Variants in OVOL2 observed in about 807,000 individuals in gnomAD.
OVOL2 encodes the protein transcription factor Ovo-like 2.
OVOL2 carries 13 observed loss-of-function variants against 18.1 expected under a neutral mutation model. That is an observed-to-expected ratio of 0.72 (90% CI 0.47 to 1.14). The LOEUF (loss-of-function observed/expected upper bound fraction) is 1.14, where lower values mean the gene tolerates loss of function less well. OVOL2 is among the 50% of genes most tolerant of loss of function. OVOL2 has a pLI of 0.00. For synonymous variants in OVOL2, 166 were observed against 162.7 expected (o/e 1.02, Z -0.16); for missense variants, 335 against 383.0 (o/e 0.87, Z 1.05).
intron 3 of OVOL2, 78 bp downstream of exon 3, chr20:18,041,456 G>T: frequency 1.3e-6 from 2 of 1,509,614 alleles, no homozygotes; most frequent in East Asian, 2.3e-5. Flanking sequence ...GTCTCAACCT[G>T]GTTTTTTGGT....
At chr20:18,035,345 T>C (rs1251650338) in intron 3 of OVOL2, among the ~76,000 whole-genome samples, 2 of 152,118 alleles carry the variant, frequency 1.3e-5, no homozygotes, top group African/African-American at 4.8e-5. Flanking sequence ...CAGCTACAGC[T>C]ACCTGGGAGG....
intron 3 of OVOL2, among the ~76,000 whole-genome samples, chr20:18,032,217 G>A (rs1027474644): frequency 6.0e-5 from 9 of 149,596 alleles, no homozygotes; most frequent in Non-Finnish European, 1.0e-4. Flanking sequence ...AGGAAGGAAA[G>A]AAGAAAGGAA....
rs1331647624 is a variant in OVOL2 at position 18,056,826 on chromosome 20, CCGTCGCTG to C, written c.144_151del (p.Ser49ArgfsTer71). On this transcript the variant is annotated frameshift_variant, in exon 2 of 4. Transcript: ENST00000278780. LOFTEE classifies it high-confidence loss of function. The surrounding 1 kb of genome is among the most constrained non-coding windows in gnomAD (Gnocchi z 4.2). ...GCTGCCGCTGCCGCTGCTGCTGCCG[CCGTCGCTG>C]CGGCAGTCCTCGGGGGGGTCGTGGA... 6.7e-7 allele frequency: 1 copy of C among 1,491,610 alleles called. No individual in the cohort carries two copies. The highest frequency in any genetic ancestry group is 8.9e-7 in the Non-Finnish European group (1 of 1,128,412). The allele number at this position is 1,491,610 out of a possible 1,614,324, so 92.4% of individuals were successfully genotyped here.
At chr20:18,027,946 C>T (rs1169654531) in intron 3 of OVOL2, among the ~76,000 whole-genome samples, 2 of 152,026 alleles carry the variant, frequency 1.3e-5, no homozygotes, top group Non-Finnish European at 2.9e-5. Context: ...GAAGGAGACA[C>T]ACGTCACAAA....
chr20:18,026,663 G>T (rs750755481), intron 3 of OVOL2, among the ~76,000 whole-genome samples: 1 of 152,272 alleles, frequency 6.6e-6, no homozygotes, highest in East Asian at 1.9e-4. Flanking sequence ...TTACAGGCGT[G>T]AGCCACCGCG....
At chr20:18,049,555 C>CCG (rs1555796096) in intron 2 of OVOL2, among the ~76,000 whole-genome samples, 1 of 151,766 alleles carries the variant, frequency 6.6e-6, no homozygotes, top group African/African-American at 2.4e-5. Context: ...TCAGATTCCC[C>CCG]CCCCGATCCT....
chr20:18,041,830 T>C, intron 2 of OVOL2, 107 bp from the exon 3 acceptor site: 4 of 1,000,054 alleles, frequency 4.0e-6, no homozygotes, highest in Non-Finnish European at 5.5e-6. Flanking sequence ...TGTCTGCGGC[T>C]TCTGCCCCTA....
At chr20:18,052,645 T>C (rs2036780704) in intron 2 of OVOL2, among the ~76,000 whole-genome samples, 1 of 152,208 alleles carries the variant, frequency 6.6e-6, no homozygotes, top group Non-Finnish European at 1.5e-5. Context: ...TCTGCACCAC[T>C]ACAAGACTCG....
Position 18,056,400 on chromosome 20 carries a change from T to C in OVOL2, c.321+257A>G, listed in dbSNP as rs906391899. Among the ~76,000 whole-genome samples, 5 of 151,966 alleles carry C rather than the reference T, an allele frequency of 3.3e-5. No individual in the cohort carries two copies. Among genetic ancestry groups the C allele is most frequent in the African/African-American group, 4.8e-5 (2 of 41,318 alleles). On this transcript the variant is annotated intron_variant, in intron 2 of 3. Transcript: ENST00000278780. The surrounding 1 kb of genome is among the most constrained non-coding windows in gnomAD (Gnocchi z 4.2). ...GCAGTTCCAGAGGCAGCACTCGGCA[T>C]CAGGCGGGGCCACCGGGAGGACGGA...
At chr20:18,057,934 C>T, upstream of OVOL2, 1 of 1,221,510 alleles carries the variant, frequency 8.2e-7, no homozygotes, top group Non-Finnish European at 1.0e-6. This position sits in a 1 kb window ranked among gnomAD's most constrained non-coding sequence, Gnocchi z 6.3. Context: ...AGCATGCGCC[C>T]TGCAACATAA....
intron 3 of OVOL2, among the ~76,000 whole-genome samples, chr20:18,028,614 G>A (rs978432671): frequency 4.0e-5 from 6 of 148,860 alleles, no homozygotes; most frequent in Non-Finnish European, 8.9e-5. Flanking sequence ...CCAATACAGT[G>A]AAACCCCGTC....
At chr20:18,040,680 T>C (rs1366267646) in intron 3 of OVOL2, among the ~76,000 whole-genome samples, 2 of 152,132 alleles carry the variant, frequency 1.3e-5, no homozygotes, top group Admixed American at 1.3e-4. Context: ...TGTGAAGAAC[T>C]GGAACTGGGG....
Position 18,024,482 on chromosome 20 carries a change from T to G in OVOL2, c.*154A>C. On this transcript the variant is annotated 3_prime_UTR_variant, in exon 4 of 4. Transcript: ENST00000278780. ...CGTCACTAACGGCAACTGACAATCT[T>G]GGAATGGACCCTACTGCTGATGTTT... The G allele has an allele frequency of 2.1e-6, 3 of 1,410,010 alleles. No homozygotes were observed. Among genetic ancestry groups the G allele is most frequent in the Non-Finnish European group, 2.8e-6 (3 of 1,076,318 alleles). The allele number at this position is 1,410,010 out of a possible 1,614,324, so 87.3% of individuals were successfully genotyped here. A position where few individuals can be genotyped will look rare whatever the true frequency, so the allele number is the denominator to read the frequency against.
At chr20:18,048,978 CT>C (rs2036748132) in intron 2 of OVOL2, among the ~76,000 whole-genome samples, 1 of 152,170 alleles carries the variant, frequency 6.6e-6, no homozygotes, top group South Asian at 2.1e-4. Context: ...AAAATTAACA[CT>C]TTGCAAAAGG....
Position 18,042,091 on chromosome 20 carries a change from T to G in OVOL2, c.322-368A>C, listed in dbSNP as rs113346232. 3.4e-3 allele frequency among the ~76,000 whole-genome samples: 521 copies of G among 152,050 alleles called. 3 individuals carry two copies. Among genetic ancestry groups the G allele is most frequent in the African/African-American group, 0.012 (498 of 41,478 alleles). On this transcript the variant is annotated intron_variant, in intron 2 of 3. Coordinates refer to ENST00000278780, the MANE Select transcript of OVOL2 (RefSeq NM_021220.4). Reference sequence around the variant, plus strand: ...CCACGCCTGGCTAATTTTTGTATTTTCAGTAGAGACAGGGTTTCACCATGT... The same window carrying G: ...CCACGCCTGGCTAATTTTTGTATTTGCAGTAGAGACAGGGTTTCACCATGT...
In OVOL2 at chr20:18,041,665, C is replaced by T. The variant is rs375022280; in HGVS notation, c.380G>A (p.Gly127Asp). ...GTTCAGCATGCGCTGCAGACGGAAG[C>T]CCTTGCCACACAGGTCACAGCTGTG... ...VVHSCDLCGKGFRLQRMLNRH... is the reference protein window; with the variant it reads ...VVHSCDLCGKDFRLQRMLNRH... Residue 127 changes from glycine (G) to aspartate (D), a missense_variant, in exon 3 of 4, where the codon GGC becomes GAC. By Grantham distance (94) the Gly-to-Asp change is moderately conservative. Coordinates refer to ENST00000278780, the MANE Select transcript of OVOL2 (RefSeq NM_021220.4). 6 of 1,614,104 alleles carry T rather than the reference C, an allele frequency of 3.7e-6. No homozygotes were observed. The highest frequency in any genetic ancestry group is 5.1e-6 in the Non-Finnish European group (6 of 1,180,022).
upstream of OVOL2, among the ~76,000 whole-genome samples, chr20:18,058,133 G>A (rs1245858078): frequency 1.3e-5 from 2 of 152,024 alleles, no homozygotes; most frequent in African/African-American, 4.8e-5. Context: ...ACCTCGAGGC[G>A]AGCTCTTCGA....
At chr20:18,034,046 C>T (rs188845325) in intron 3 of OVOL2, among the ~76,000 whole-genome samples, 77 of 152,308 alleles carry the variant, frequency 5.1e-4, no homozygotes, top group East Asian at 7.7e-4. Context: ...CAGAATTTCC[C>T]ATGTTGTCCT....
At chr20:18,037,150 A>AAAAAAAAAAAAAAAG (rs751298916) in intron 3 of OVOL2, among the ~76,000 whole-genome samples, 3 of 147,146 alleles carry the variant, frequency 2.0e-5, no homozygotes, top group Non-Finnish European at 4.5e-5. Context: ...AAAAAAAAAA[A>AAAAAAAAAAAAAAAG]AAAGAAAGAA....
Sources: gnomAD v4.1 joint callset for allele counts (sites outside exome capture counted in the v4.1 genomes callset) on GRCh38, gnomAD v4.1.1 for gene constraint, Gnocchi (gnomAD v3.1) non-coding constraint, MANE v1.5 for transcripts, NCBI Gene and HGNC (gene_info 2026-07-23, HGNC 2026-07-21) for gene names.